UNC13B: variants seen among roughly 807,000 people sequenced by gnomAD.
UNC13B encodes unc-13 homolog B.
In UNC13B, 144 loss-of-function variants were observed where a neutral mutation model predicts 211.0. The observed-to-expected ratio is 0.68, with a 90% CI of 0.60 to 0.78. The LOEUF is 0.78. UNC13B is among the 30% of genes least tolerant of loss of function. The pLI, the probability that UNC13B is intolerant of heterozygous loss-of-function variation, is 0.00. For missense variants in UNC13B, 1,777 were observed against 2,002.0 expected (o/e 0.89, Z 2.14); for synonymous variants, 709 against 725.8 (o/e 0.98, Z 0.37).
chr9:35,364,568 G>C (rs1833650182), intron 11 of UNC13B: 1 of 1,535,824 alleles, frequency 6.5e-7, no homozygotes, highest in Non-Finnish European at 8.7e-7. Flanking sequence ...AGCCCTTCAG[G>C]TTGTGCCTAT....
chr9:35,296,999 C>T (rs187077156), intron 8 of UNC13B, among the ~76,000 whole-genome samples: 68 of 151,994 alleles, frequency 4.5e-4, no homozygotes, highest in Admixed American at 1.9e-3. Context: ...AATCCAGAAC[C>T]GTGATGCATT....
At chr9:35,317,009 T>C (rs541517552) in intron 11 of UNC13B, among the ~76,000 whole-genome samples, 2 of 152,326 alleles carry the variant, frequency 1.3e-5, no homozygotes, top group Non-Finnish European at 2.9e-5. Flanking sequence ...AAAAAACTTT[T>C]AAATTTGTTA....
chr9:35,311,916 G>T (rs983732276), intron 10 of UNC13B, among the ~76,000 whole-genome samples: 20 of 152,140 alleles, frequency 1.3e-4, no homozygotes, highest in African/African-American at 4.6e-4. Flanking sequence ...GAGCTAAATC[G>T]GTTAGACTAG....
intron 11 of UNC13B, among the ~76,000 whole-genome samples, chr9:35,354,330 T>C (rs1271948858): frequency 2.0e-5 from 3 of 152,186 alleles, no homozygotes; most frequent in African/African-American, 7.2e-5. Context: ...GCTTCTCTCA[T>C]AGGCCCCTGT....
At chr9:35,299,538 A>T (rs1025262179) in intron 8 of UNC13B, among the ~76,000 whole-genome samples, 1 of 152,062 alleles carries the variant, frequency 6.6e-6, no homozygotes, top group African/African-American at 2.4e-5. Flanking sequence ...CATTTTTTTC[A>T]TTTGTTTCTT....
At chr9:35,313,621 T>C (rs1290093071) in intron 10 of UNC13B, among the ~76,000 whole-genome samples, 1 of 125,616 alleles carries the variant, frequency 8.0e-6, no homozygotes, top group Non-Finnish European at 1.7e-5. Flanking sequence ...TGAGACCCTG[T>C]CTCAAAATAA....
At chr9:35,229,369 T>G (rs1270182333) in intron 2 of UNC13B, among the ~76,000 whole-genome samples, 1 of 152,192 alleles carries the variant, frequency 6.6e-6, no homozygotes, top group Non-Finnish European at 1.5e-5. Flanking sequence ...CTGCTGGCTC[T>G]TTTTTTCTGA....
chr9:35,390,760 G>A, intron 26 of UNC13B, 46 bp downstream of exon 26: 1 of 1,561,272 alleles, frequency 6.4e-7, no homozygotes, highest in Admixed American at 1.8e-5. Flanking sequence ...CCTAGCCCAA[G>A]CTCCTCGTTC....
intron 2 of UNC13B, among the ~76,000 whole-genome samples, chr9:35,229,741 C>A (rs1825092220): frequency 6.6e-6 from 1 of 151,892 alleles, no homozygotes; most frequent in Non-Finnish European, 1.5e-5. Context: ...GGGCTTTTAT[C>A]CTCATATATC....
intron 1 of UNC13B, among the ~76,000 whole-genome samples, chr9:35,187,988 T>C (rs1822452275): frequency 6.6e-6 from 1 of 152,216 alleles, no homozygotes; most frequent in Admixed American, 6.5e-5. Flanking sequence ...CACAAGAGTA[T>C]AACTTACTCA....
chr9:35,378,072 A>G (rs539216780), intron 16 of UNC13B, among the ~76,000 whole-genome samples: 1 of 152,254 alleles, frequency 6.6e-6, no homozygotes, highest in African/African-American at 2.4e-5. Flanking sequence ...GGGTGTAAAG[A>G]TCAATATAGA....
At chr9:35,362,039 G>A (rs1360371676) in intron 11 of UNC13B, 3 of 152,176 alleles carry the variant, frequency 2.0e-5, no homozygotes, top group Non-Finnish European at 2.9e-5. Context: ...ATGCAATTAA[G>A]CAAAGAAAAA....
chr9:35,377,319 G>A (rs1359308828), intron 15 of UNC13B, 149 bp from the exon 16 acceptor site: 3 of 741,272 alleles, frequency 4.0e-6, no homozygotes, highest in South Asian at 1.9e-5. Context: ...GCAAGTGCAG[G>A]TGCCAGAGGG....
At chr9:35,369,644 G>A (rs991725187) in intron 12 of UNC13B, among the ~76,000 whole-genome samples, 33 of 152,218 alleles carry the variant, frequency 2.2e-4, no homozygotes, top group African/African-American at 8.0e-4. Flanking sequence ...CACTCATACA[G>A]TCCCTTTGCT....
At chr9:35,239,336 T>C (rs1271672188) in intron 5 of UNC13B, among the ~76,000 whole-genome samples, 1 of 152,250 alleles carries the variant, frequency 6.6e-6, no homozygotes, top group African/African-American at 2.4e-5. Context: ...GTCGGCAGGT[T>C]CTGTGATGCC....
At chr9:35,321,757 T>A (rs1290789512) in intron 11 of UNC13B, among the ~76,000 whole-genome samples, 3 of 152,192 alleles carry the variant, frequency 2.0e-5, no homozygotes, top group Non-Finnish European at 4.4e-5. Context: ...TGTCTGGGCC[T>A]CCTGCAATGC....
chr9:35,204,981 G>A (rs536780310), intron 1 of UNC13B, among the ~76,000 whole-genome samples: 1 of 152,320 alleles, frequency 6.6e-6, no homozygotes, highest in African/African-American at 2.4e-5. Flanking sequence ...AATCCCCAGT[G>A]TTGGAGGTGG....
intron 7 of UNC13B, among the ~76,000 whole-genome samples, chr9:35,266,311 G>T (rs1195945322): frequency 6.6e-6 from 1 of 152,188 alleles, no homozygotes; most frequent in Non-Finnish European, 1.5e-5. Context: ...TACCCAGTGT[G>T]TTAGGATCAA....
chr9:35,185,932 G>GA (rs568465100), intron 1 of UNC13B, among the ~76,000 whole-genome samples: 632 of 126,436 alleles, frequency 5.0e-3, no homozygotes, highest in Middle Eastern at 0.025. Context: ...AAAGAAAAAA[G>GA]AAAAAAAAAA....
Sources: gnomAD v4.1 joint callset for allele counts (sites outside exome capture counted in the v4.1 genomes callset) on GRCh38, gnomAD v4.1.1 for gene constraint, MANE v1.5 for transcripts, NCBI Gene and HGNC (gene_info 2026-07-23, HGNC 2026-07-21) for gene names.